The following TRAK2 variants were observed in gnomAD, a reference collection of about 807,000 sequenced individuals.
TRAK2 encodes the protein trafficking kinesin protein 2.
Under a neutral mutation model 104.6 loss-of-function variants are expected in TRAK2, and 81 were observed. The observed-to-expected ratio is 0.77, with a 90% CI of 0.65 to 0.93. TRAK2 has a LOEUF of 0.93. TRAK2 is among the 40% of genes least tolerant of loss of function. The probability of loss-of-function intolerance (pLI) is 0.00; values close to 1 mark genes in which losing one functional copy is unlikely to be tolerated. For missense variants in TRAK2, 1,002 were observed against 1,089.0 expected (o/e 0.92, Z 1.12); for synonymous variants, 406 against 394.4 (o/e 1.03, Z -0.35).
At chr2:201,439,197 G>C (rs562908650) in intron 1 of TRAK2, among the ~76,000 whole-genome samples, 1 of 152,232 alleles carries the variant, frequency 6.6e-6, no homozygotes, top group East Asian at 1.9e-4. Context: ...GAGACTGTTA[G>C]AACATGTGGA....
At chr2:201,414,423 T>C (rs1951674560) in intron 2 of TRAK2, among the ~76,000 whole-genome samples, 1 of 152,258 alleles carries the variant, frequency 6.6e-6, no homozygotes, top group Non-Finnish European at 1.5e-5. Context: ...GCTCTAGCTC[T>C]GGCAAAGAAC....
chr2:201,408,540 T>C (rs1304466182), intron 2 of TRAK2, among the ~76,000 whole-genome samples: 2 of 152,204 alleles, frequency 1.3e-5, no homozygotes, highest in Non-Finnish European at 2.9e-5. Flanking sequence ...CTTTTAAAGT[T>C]CAGAATTTGT....
Position 201,407,489 on chromosome 2 carries a change from T to G in TRAK2, c.200A>C (p.Gln67Pro), listed in dbSNP as rs1179049422. 1 of 1,614,154 alleles carries G rather than the reference T, an allele frequency of 6.2e-7. No homozygotes were observed. Among genetic ancestry groups the G allele is most frequent in the Middle Eastern group, 1.7e-4 (1 of 6,058 alleles). ...KVDTLFLYEN[Q>P]DWTQSPHQRQ... ...CTGGTGTGGAGACTGAGTCCAGTCTTGATTTTCATATAGAAAGAGAGTGTC... is the reference window on the plus strand; with the variant it reads ...CTGGTGTGGAGACTGAGTCCAGTCTGGATTTTCATATAGAAAGAGAGTGTC... The change falls in exon 3 of 16, where the codon CAA becomes CCA. Residue 67 changes from glutamine to proline, a missense_variant. Transcript: ENST00000332624.
chr2:201,411,477 T>C (rs779441386), intron 2 of TRAK2: 15 of 744,262 alleles, frequency 2.0e-5, no homozygotes, highest in Non-Finnish European at 3.5e-5. Context: ...AGATTTCTGT[T>C]GTTCTTGCAT....
chr2:201,437,924 T>A (rs1951890905), intron 1 of TRAK2, among the ~76,000 whole-genome samples: 1 of 152,240 alleles, frequency 6.6e-6, no homozygotes. Context: ...ATACTAACTC[T>A]ATGGGGACCC....
At chr2:201,410,604 T>C in intron 2 of TRAK2, 2 of 1,272,284 alleles carry the variant, frequency 1.6e-6, no homozygotes, top group Non-Finnish European at 2.3e-6. Context: ...TAGCAGTTGG[T>C]GGCTATGCAA....
chr2:201,410,695 G>C, intron 2 of TRAK2: 1 of 1,354,546 alleles, frequency 7.4e-7, no homozygotes, highest in Non-Finnish European at 1.1e-6. Context: ...TCCCATTACT[G>C]AACTGCCCGT....
chr2:201,411,049 C>G (rs1951641751), intron 2 of TRAK2: 2 of 1,260,526 alleles, frequency 1.6e-6, no homozygotes, highest in Non-Finnish European at 2.3e-6. Context: ...GTATTATCAA[C>G]TGGTGTAGAA....
chr2:201,389,197 G>C, intron 12 of TRAK2, 103 bp downstream of exon 12: 3 of 1,159,712 alleles, frequency 2.6e-6, no homozygotes, highest in Non-Finnish European at 3.8e-6. Flanking sequence ...GACAGTTCCA[G>C]AACCTTCTTG....
Position 201,384,156 on chromosome 2 carries a change from G to C in TRAK2, c.2024C>G (p.Thr675Ser). ...SCTNSTFTFT[T>S]CRILHPSDIT... ...GTCAGAGGGATGTAATATTCTACAG[G>C]TGGTGAAAGTGAATGTTGAGTTTGT... is the stretch of plus-strand genomic sequence containing the variant. The change falls in exon 15 of 16, where the codon ACC (threonine) becomes AGC (serine). Residue 675 changes from threonine (T) to serine (S), a missense_variant. Transcript: ENST00000332624. 1 of 1,613,534 alleles carries C rather than the reference G, an allele frequency of 6.2e-7. No homozygotes were observed. The highest frequency in any genetic ancestry group is 8.5e-7 in the Non-Finnish European group (1 of 1,179,676).
intron 2 of TRAK2, chr2:201,419,586 G>A (rs1453486187): frequency 1.3e-5 from 2 of 154,322 alleles, no homozygotes; most frequent in Non-Finnish European, 2.9e-5. Context: ...CTGTACAAGG[G>A]AACTTTCTGT....
intron 14 of TRAK2, among the ~76,000 whole-genome samples, chr2:201,385,003 C>T (rs1051298435): frequency 3.9e-5 from 6 of 152,118 alleles, no homozygotes; most frequent in Admixed American, 3.9e-4. Flanking sequence ...GTAATTCAGA[C>T]TTGGGTGAAA....
Position 201,388,894 on chromosome 2 carries a change from T to C in TRAK2, c.1397+406A>G, listed in dbSNP as rs149323808. Among the ~76,000 whole-genome samples the C allele has an allele frequency of 7.5e-4, 115 of 152,320 alleles. 1 individual carries two copies. In the East Asian group the frequency reaches 0.018, roughly 23 times the overall value. On this transcript the variant is annotated intron_variant, in intron 12 of 15. Transcript: ENST00000332624. ...GCTTTCAGCTCACTTTTCAGTAAAG[T>C]TGTTTACCTTCTAGTTATATAGAAT... is the stretch of plus-strand genomic sequence containing the variant.
chr2:201,429,768 C>A (rs1576533263), intron 1 of TRAK2, among the ~76,000 whole-genome samples: 1 of 152,136 alleles, frequency 6.6e-6, no homozygotes, highest in South Asian at 2.1e-4. Context: ...TTTGTCTAAT[C>A]TTTTTTCAAG....
intron 1 of TRAK2, among the ~76,000 whole-genome samples, chr2:201,424,584 T>C (rs901059085): frequency 2.0e-5 from 3 of 151,778 alleles, no homozygotes; most frequent in Non-Finnish European, 4.4e-5. Context: ...GCCACCTGTT[T>C]TTTTTGTTCG....
At position 201,377,855 on chromosome 2, in the gene TRAK2, A is replaced by T. The variant is rs2125637248; in HGVS notation, c.*2688T>A. 6.6e-6 allele frequency: 1 copy of T among 152,372 alleles called. No homozygotes were observed. Among genetic ancestry groups the T allele is most frequent in the South Asian group, 2.1e-4 (1 of 4,800 alleles). 9.4% of individuals were successfully genotyped at this position (152,372 alleles called of 1,614,324 possible). A position where few individuals can be genotyped will look rare whatever the true frequency, so the allele number is the denominator to read the frequency against. ...GGACACTCAGAAATACCTGAGGTAT[A>T]ATCACTGAAAACCTTCTTAAAGGCG... On this transcript the variant is annotated 3_prime_UTR_variant, in exon 16 of 16. Coordinates refer to ENST00000332624, the MANE Select transcript of TRAK2 (RefSeq NM_015049.3).
At position 201,448,201 on chromosome 2, in the gene TRAK2, T is replaced by A. The variant is rs77509342; in HGVS notation, c.-200+3149A>T. 4.1e-4 allele frequency among the ~76,000 whole-genome samples: 63 copies of A among 152,358 alleles called. No individual in the cohort carries two copies. In the East Asian group the frequency reaches 0.011, roughly 27 times the overall value. ...GTAGTTGTAAAGACAAATGACTAACTCATAATGAAAGCACCCAGCTGTGGG... is the reference window on the plus strand; with the variant it reads ...GTAGTTGTAAAGACAAATGACTAACACATAATGAAAGCACCCAGCTGTGGG... On this transcript the variant is annotated intron_variant, in intron 1 of 15. Coordinates refer to ENST00000332624, the MANE Select transcript of TRAK2 (RefSeq NM_015049.3).
intron 12 of TRAK2, 134 bp downstream of exon 12, chr2:201,389,166 C>T (rs1576506776): frequency 1.2e-6 from 1 of 853,954 alleles, no homozygotes; most frequent in Non-Finnish European, 1.9e-6. Context: ...TGATACAAGG[C>T]ATCATAAGTG....
chr2:201,380,643 C>T lies in TRAK2; in HGVS notation c.2645G>A (p.Gly882Asp), dbSNP rs755797751. ...AAGACTCTGATTCCTCCTTAGTCCA[C>T]CTAATAAACTGCTACCTGAATTTAA... ...VYLNSGSSLL[G>D]GLRRNQSLPV... The change falls in exon 16 of 16, where the codon GGT (glycine) becomes GAT (aspartate). Residue 882 changes from glycine to aspartate, a missense_variant. Gly to Asp is a moderately conservative substitution (Grantham distance 94, BLOSUM62 -1). Transcript: ENST00000332624. The T allele has an allele frequency of 6.2e-7, 1 of 1,614,068 alleles. No individual in the cohort carries two copies. The highest frequency in any genetic ancestry group is 8.5e-7 in the Non-Finnish European group (1 of 1,179,984).
Sources: gnomAD v4.1 joint callset for allele counts (sites outside exome capture counted in the v4.1 genomes callset) on GRCh38, gnomAD v4.1.1 for gene constraint, MANE v1.5 for transcripts, NCBI Gene and HGNC (gene_info 2026-07-23, HGNC 2026-07-21) for gene names.